Variants in TNS1 observed in about 807,000 individuals in gnomAD.
TNS1 encodes tensin 1.
Under a neutral mutation model 168.6 loss-of-function variants are expected in TNS1, and 62 were observed. The ratio of observed to expected loss-of-function variants is 0.37; its 90% confidence interval spans 0.30 to 0.45. The LOEUF (loss-of-function observed/expected upper bound fraction) is 0.45, where lower values mean the gene tolerates loss of function less well. TNS1 is among the 20% of genes least tolerant of loss of function. The pLI is 1.00. For missense variants in TNS1, 2,240 were observed against 2,339.4 expected (o/e 0.96, Z 0.88); for synonymous variants, 934 against 933.2 (o/e 1.00, Z -0.02).
chr2:218,010,918 A>G (rs1958700397), upstream of TNS1, among the ~76,000 whole-genome samples: 1 of 152,188 alleles, frequency 6.6e-6, no homozygotes, highest in South Asian at 2.1e-4. Flanking sequence ...CCAGCTGTCC[A>G]GTCCCACCTC....
intron 22 of TNS1, chr2:217,830,089 G>A: frequency 8.2e-6 from 6 of 731,190 alleles, no homozygotes; most frequent in Non-Finnish European, 1.0e-5. Context: ...AGGACTCCAA[G>A]GGGAAGGCCG....
In TNS1 at chr2:217,886,625, G is replaced by C. The variant is rs1286275940; in HGVS notation, c.888C>G (p.Gly296=). 1.3e-6 allele frequency: 2 copies of C among 1,593,500 alleles called. No individual in the cohort carries two copies. Among genetic ancestry groups the C allele is most frequent in the East Asian group, 2.3e-5 (1 of 44,398 alleles). ...TCATTTTGATGGAGCCGGAGAGCAGGCCACTGAAGTAATGCACGTACCTGT... is the reference window on the plus strand; with the variant it reads ...TCATTTTGATGGAGCCGGAGAGCAGCCCACTGAAGTAATGCACGTACCTGT... ...SQRRYVHYFS[G]LLSGSIKMNN... The change falls in exon 13 of 33, where the codon GGC becomes GGG. Residue 296 remains glycine, a synonymous_variant. Coordinates refer to ENST00000682258, the MANE Select transcript of TNS1 (RefSeq NM_001387777.1).
intron 18 of TNS1, among the ~76,000 whole-genome samples, chr2:217,865,138 G>A (rs752578536): frequency 1.3e-5 from 2 of 152,180 alleles, no homozygotes; most frequent in African/African-American, 2.4e-5. Flanking sequence ...AGGTGACTAT[G>A]AGTCAAGGGG....
rs77767426 is a variant in TNS1 at position 218,023,189 on chromosome 2, G to T, written c.156+10631C>A. 7.1e-3 allele frequency among the ~76,000 whole-genome samples: 1,084 copies of T among 152,286 alleles called. 10 individuals are homozygous for T. Among genetic ancestry groups the T allele is most frequent in the African/African-American group, 0.025 (1,026 of 41,556 alleles). On this transcript the variant is annotated intron_variant, in intron 1 of 1. Transcript: ENST00000649572. Reference sequence around the variant, plus strand: ...TCCCCACTAAAGGGTCTAGGCTGAGGGGCCTGTGCTTCTCAGCAGAAAAGG... The same window carrying T: ...TCCCCACTAAAGGGTCTAGGCTGAGTGGCCTGTGCTTCTCAGCAGAAAAGG...
chr2:217,992,702 A>C (rs1559404992), intron 1 of TNS1: 1 of 152,442 alleles, frequency 6.6e-6, no homozygotes. Context: ...CAGACAGGAC[A>C]GAGAGAGAGG....
intron 1 of TNS1, among the ~76,000 whole-genome samples, chr2:218,018,135 GCAA>G: frequency 1.3e-5 from 2 of 152,312 alleles, no homozygotes; most frequent in Admixed American, 1.3e-4. Context: ...AGGAAGCACA[GCAA>G]CAATTTCCTG....
chr2:217,831,343 G>T, intron 22 of TNS1, 112 bp downstream of exon 22: 1 of 936,378 alleles, frequency 1.1e-6, no homozygotes. Flanking sequence ...TGACCTCAGT[G>T]TGGGCACAAA....
At chr2:217,860,360 C>A (rs911402916) in intron 18 of TNS1, among the ~76,000 whole-genome samples, 1 of 152,148 alleles carries the variant, frequency 6.6e-6, no homozygotes, top group Non-Finnish European at 1.5e-5. Flanking sequence ...TGGGACAGCT[C>A]GGTGTCACAG....
chr2:218,013,581 C>T (rs1246946311), upstream of TNS1, among the ~76,000 whole-genome samples: 1 of 152,072 alleles, frequency 6.6e-6, no homozygotes, highest in East Asian at 1.9e-4. Context: ...GGTCACCATC[C>T]TCCCAGGTTA....
intron 21 of TNS1, 95 bp from the exon 22 acceptor site, chr2:217,831,642 G>A (rs1944441903): frequency 9.7e-7 from 1 of 1,027,986 alleles, no homozygotes; most frequent in Non-Finnish European, 1.3e-6. Context: ...TGAGGGCTGG[G>A]GGGCTGGAGA....
At chr2:217,979,237 C>T (rs1375043589) in intron 2 of TNS1, among the ~76,000 whole-genome samples, 1 of 152,156 alleles carries the variant, frequency 6.6e-6, no homozygotes, top group Non-Finnish European at 1.5e-5. Flanking sequence ...TACTCTGCCC[C>T]AGAGACAGAC....
At chr2:217,979,082 G>T (rs111487412) in intron 2 of TNS1, 63 of 443,838 alleles carry the variant, frequency 1.4e-4, no homozygotes, top group Non-Finnish European at 4.8e-5. Context: ...GGGAGCAAAG[G>T]GGGGGGTCCC....
intron 31 of TNS1, 111 bp from the exon 32 acceptor site, chr2:217,808,218 C>G: frequency 7.5e-7 from 1 of 1,325,078 alleles, no homozygotes; most frequent in Non-Finnish European, 1.1e-6. Flanking sequence ...AGCTGCCCCC[C>G]ATTCCCCCCT....
intron 3 of TNS1, among the ~76,000 whole-genome samples, chr2:217,973,416 A>AT (rs942180137): frequency 1.3e-5 from 2 of 151,236 alleles, no homozygotes; most frequent in African/African-American, 4.9e-5. Flanking sequence ...TGGGCCATTC[A>AT]TTTTAAATCC....
At chr2:217,967,048 G>A (rs766457678) in intron 3 of TNS1, among the ~76,000 whole-genome samples, 2 of 152,190 alleles carry the variant, frequency 1.3e-5, no homozygotes, top group African/African-American at 2.4e-5. Context: ...GGCCGGGTGC[G>A]GTGGCTCACG....
At chr2:217,942,436 C>T (rs902307091) in intron 3 of TNS1, among the ~76,000 whole-genome samples, 16 of 152,196 alleles carry the variant, frequency 1.1e-4, no homozygotes, top group African/African-American at 3.6e-4. Context: ...AATCCACATC[C>T]TCCCTCACTC....
At chr2:217,846,216 T>C (rs1053920592) in intron 19 of TNS1, among the ~76,000 whole-genome samples, 9 of 152,210 alleles carry the variant, frequency 5.9e-5, no homozygotes, top group African/African-American at 2.2e-4. Flanking sequence ...GAGGTGAGGC[T>C]GATTGCCAAT....
In TNS1 at chr2:217,813,132, T is replaced by A; in HGVS notation, c.4954+83A>T. Reference sequence around the variant, plus strand: ...ACTGGCAGAGCCTGTCAGAAAGAACTTGGGGTCAGACCCCTGGAGGAACCC... The same window carrying A: ...ACTGGCAGAGCCTGTCAGAAAGAACATGGGGTCAGACCCCTGGAGGAACCC... On this transcript the variant is annotated intron_variant, in intron 27 of 32. Transcript: ENST00000682258. The surrounding 1 kb of genome is among the most constrained non-coding windows in gnomAD (Gnocchi z 4.0). 1.0e-6 allele frequency: 1 copy of A among 966,878 alleles called. No homozygotes were observed. The highest frequency in any genetic ancestry group is 1.6e-6 in the Non-Finnish European group (1 of 621,112). 59.9% of individuals were successfully genotyped at this position (966,878 alleles called of 1,614,324 possible).
Position 217,911,104 on chromosome 2 carries a change from T to C in TNS1, c.229-3853A>G, listed in dbSNP as rs551164485. On this transcript the variant is annotated intron_variant, in intron 4 of 32. Transcript: ENST00000682258. The stretch of plus-strand genomic sequence containing the variant: ...ACACAGACAGACCCCTATGTCTGTC[T>C]CCACCCACTGCCCAGTCCCAGGACA... Among the ~76,000 whole-genome samples the C allele has an allele frequency of 2.6e-5, 4 of 152,228 alleles. No homozygotes were observed. In the East Asian group the frequency reaches 7.7e-4, roughly 29 times the overall value.
Sources: allele counts gnomAD v4.1 joint callset (sites outside exome capture counted in the v4.1 genomes callset), GRCh38; gene constraint gnomAD v4.1.1; non-coding constraint Gnocchi (gnomAD v3.1); transcripts MANE v1.5; gene names NCBI Gene and HGNC (gene_info 2026-07-23, HGNC 2026-07-21).